The following DGKB variants were observed in gnomAD, a reference collection of about 807,000 sequenced individuals.
The protein encoded by DGKB is 90 kDa diacylglycerol kinase.
Under a neutral mutation model 114.3 loss-of-function variants are expected in DGKB, and 67 were observed. The observed-to-expected ratio is 0.59, with a 90% CI of 0.48 to 0.72. The LOEUF (loss-of-function observed/expected upper bound fraction) is 0.72, where lower values mean the gene tolerates loss of function less well. Ranked by LOEUF, DGKB falls within the 30% of genes least tolerant of loss-of-function variation. The pLI is 0.00. For missense variants in DGKB, 907 were observed against 975.2 expected (o/e 0.93, Z 0.93); for synonymous variants, 398 against 323.1 (o/e 1.23, Z -2.49).
intron 25 of DGKB, among the ~76,000 whole-genome samples, chr7:14,167,153 G>A (rs1355199048): frequency 6.8e-6 from 1 of 147,320 alleles, no homozygotes; most frequent in Non-Finnish European, 1.5e-5. Flanking sequence ...GGAGGTTGCA[G>A]TGAGCCAACT....
chr7:14,633,469 T>C (rs1402553680), intron 13 of DGKB, among the ~76,000 whole-genome samples: 1 of 151,872 alleles, frequency 6.6e-6, no homozygotes, highest in African/African-American at 2.4e-5. Context: ...TAAAGAGTTA[T>C]ATATTAAATG....
intron 2 of DGKB, among the ~76,000 whole-genome samples, chr7:14,785,704 A>T (rs551978505): frequency 6.6e-6 from 1 of 152,308 alleles, no homozygotes; most frequent in South Asian, 2.1e-4. Flanking sequence ...TCTAAAATAG[A>T]AAATTAAATA....
chr7:14,690,545 T>C (rs754711187), intron 9 of DGKB, among the ~76,000 whole-genome samples: 12 of 152,380 alleles, frequency 7.9e-5, no homozygotes, highest in Non-Finnish European at 1.6e-4. Context: ...TGGCAAACTA[T>C]GGCACTGAGT....
chr7:14,290,627 C>T (rs1469357302), intron 23 of DGKB, among the ~76,000 whole-genome samples: 1 of 152,100 alleles, frequency 6.6e-6, no homozygotes, highest in Non-Finnish European at 1.5e-5. Flanking sequence ...CACATGTTAG[C>T]TCTTAAAGCT....
chr7:14,388,806 T>A (rs889470226), intron 21 of DGKB, among the ~76,000 whole-genome samples: 1 of 152,202 alleles, frequency 6.6e-6, no homozygotes, highest in Non-Finnish European at 1.5e-5. Flanking sequence ...ATAGTGGATG[T>A]GGTGGTGACA....
chr7:14,905,463 T>C (rs1381004082), upstream of DGKB, among the ~76,000 whole-genome samples: 2 of 152,124 alleles, frequency 1.3e-5, no homozygotes, highest in Admixed American at 6.5e-5. Flanking sequence ...TTCTCCAAGA[T>C]GCTTCTCTGC....
chr7:14,888,826 T>C (rs1780726571), intron 1 of DGKB, among the ~76,000 whole-genome samples: 2 of 151,658 alleles, frequency 1.3e-5, no homozygotes, highest in Non-Finnish European at 3.0e-5. Context: ...TATTTAAATA[T>C]TGAAATTGGG....
At chr7:14,488,862 CCAACAA>C (rs10544281) in intron 20 of DGKB, among the ~76,000 whole-genome samples, 37 of 147,872 alleles carry the variant, frequency 2.5e-4, no homozygotes, top group Non-Finnish European at 3.3e-4. Flanking sequence ...CAAAAAAAAC[CCAACAA>C]CAACAACAAC....
At chr7:14,189,602 A>C (rs1784014447) in intron 23 of DGKB, among the ~76,000 whole-genome samples, 1 of 152,158 alleles carries the variant, frequency 6.6e-6, no homozygotes, top group Admixed American at 6.5e-5. Flanking sequence ...TCCCATTAAG[A>C]GACAGAATGG....
intron 1 of DGKB, among the ~76,000 whole-genome samples, chr7:14,869,900 G>C (rs1852208254): frequency 6.6e-6 from 1 of 152,108 alleles, no homozygotes; most frequent in African/African-American, 2.4e-5. Context: ...TCTAGTTTAT[G>C]ATCTGGAAGA....
intron 23 of DGKB, chr7:14,191,601 C>A (rs1019858239): frequency 7.3e-5 from 19 of 259,118 alleles, no homozygotes; most frequent in African/African-American, 1.4e-4. Context: ...GACTGGGTTA[C>A]CTTTGCTCCA....
intron 20 of DGKB, among the ~76,000 whole-genome samples, chr7:14,521,975 G>A (rs1789845468): frequency 6.6e-6 from 1 of 151,990 alleles, no homozygotes; most frequent in Non-Finnish European, 1.5e-5. Context: ...CCTTTTCACT[G>A]TGTATGACCT....
chr7:14,459,052 C>T (rs568854664), intron 21 of DGKB, among the ~76,000 whole-genome samples: 5 of 152,266 alleles, frequency 3.3e-5, no homozygotes, highest in East Asian at 1.9e-4. Context: ...CTTGAGTAGG[C>T]GGTTTTACCC....
intron 23 of DGKB, among the ~76,000 whole-genome samples, chr7:14,181,249 T>C (rs1422603195): frequency 6.6e-6 from 1 of 152,180 alleles, no homozygotes; most frequent in Non-Finnish European, 1.5e-5. Flanking sequence ...TGTGGACCTT[T>C]AGATAAGTTT....
rs185183751 is a variant in DGKB at position 14,231,465 on chromosome 7, A to G, written c.2123-53314T>C. The stretch of plus-strand genomic sequence containing the variant: ...TTCTGATAACATTCTACAAAAAACT[A>G]TTTAATAAAAATAATTTATTAGCAT... On this transcript the variant is annotated intron_variant, in intron 23 of 25. Coordinates refer to ENST00000402815, the MANE Select transcript of DGKB (RefSeq NM_001350709.2). Among the ~76,000 whole-genome samples, 3 of 152,172 alleles carry G rather than the reference A, an allele frequency of 2.0e-5. No individual in the cohort carries two copies. In the East Asian group the frequency reaches 5.8e-4, roughly 30 times the overall value.
intron 23 of DGKB, among the ~76,000 whole-genome samples, chr7:14,283,124 A>G (rs1241060259): frequency 6.6e-6 from 1 of 151,766 alleles, no homozygotes; most frequent in East Asian, 1.9e-4. Flanking sequence ...CCACTGTCTC[A>G]GCCCAAAATC....
chr7:14,867,729 G>C (rs1851888871), intron 1 of DGKB, among the ~76,000 whole-genome samples: 1 of 152,040 alleles, frequency 6.6e-6, no homozygotes, highest in South Asian at 2.1e-4. Flanking sequence ...TTAAGCTTCT[G>C]TTTACTCCTT....
intron 21 of DGKB, among the ~76,000 whole-genome samples, chr7:14,449,869 A>T (rs1831229691): frequency 6.6e-6 from 1 of 152,064 alleles, no homozygotes; most frequent in Non-Finnish European, 1.5e-5. Flanking sequence ...AGGTATTCTG[A>T]TTAGGATTTA....
In DGKB at chr7:14,436,695, T is replaced by C. The variant is rs192979226; in HGVS notation, c.1835+41466A>G. ...TTGCTTTGATTTTTTATTTCACTCT[T>C]AGTGATTTTCCAGTGGTTCATTTGC... is the stretch of plus-strand genomic sequence containing the variant. On this transcript the variant is annotated intron_variant, in intron 21 of 25. Coordinates refer to ENST00000402815, the MANE Select transcript of DGKB (RefSeq NM_001350709.2). 3.2e-3 allele frequency among the ~76,000 whole-genome samples: 488 copies of C among 152,246 alleles called. 3 individuals are homozygous for C. The highest frequency in any genetic ancestry group is 4.2e-3 in the Non-Finnish European group (285 of 68,008).
Sources: gnomAD v4.1 joint callset for allele counts (sites outside exome capture counted in the v4.1 genomes callset) on GRCh38, gnomAD v4.1.1 for gene constraint, MANE v1.5 for transcripts, NCBI Gene and HGNC (gene_info 2026-07-23, HGNC 2026-07-21) for gene names.